The following NCOA2 variants were observed in gnomAD, a reference collection of about 807,000 sequenced individuals.
The protein encoded by NCOA2 is class E basic helix-loop-helix protein 75.
NCOA2 carries 21 observed loss-of-function variants against 145.1 expected under a neutral mutation model. The ratio of observed to expected loss-of-function variants is 0.14; its 90% confidence interval spans 0.10 to 0.21. The LOEUF (loss-of-function observed/expected upper bound fraction) is 0.21. NCOA2 is among the 10% of genes least tolerant of loss of function. The pLI is 1.00. For synonymous variants in NCOA2, 619 were observed against 637.5 expected, an observed-to-expected ratio of 0.97 and a Z score of 0.44; for missense variants, 1,472 against 1,837.6, an observed-to-expected ratio of 0.80 and a Z score of 3.64.
At chr8:70,357,494 CACT>C (rs1286875692) in intron 1 of NCOA2, 2 of 152,458 alleles carry the variant, frequency 1.3e-5, no homozygotes, top group African/African-American at 4.8e-5. Flanking sequence ...GTAATCCCAG[CACT>C]TTGGGAGGCC....
chr8:70,413,827 T>A, the NCOA2 span, among the ~76,000 whole-genome samples: 1 of 152,326 alleles, frequency 6.6e-6, no homozygotes, highest in Admixed American at 6.5e-5. Flanking sequence ...GCCCCTGGGT[T>A]GTTTGTTTTG....
At chr8:70,244,818 A>T (rs1416505658) in intron 2 of NCOA2, among the ~76,000 whole-genome samples, 1 of 152,086 alleles carries the variant, frequency 6.6e-6, no homozygotes, top group Non-Finnish European at 1.5e-5. Flanking sequence ...CACTACACAA[A>T]CACAAAAGAA....
At chr8:70,363,539 C>A (rs1810406514) in intron 1 of NCOA2, among the ~76,000 whole-genome samples, 1 of 152,050 alleles carries the variant, frequency 6.6e-6, no homozygotes, top group South Asian at 2.1e-4. Context: ...TGGAAACAAC[C>A]CAAATGTCTT....
chr8:70,286,273 A>T lies in NCOA2; in HGVS notation c.-20+10471T>A, dbSNP rs149791775. Reference sequence around the variant, plus strand: ...CAAAAAAATAAAAAATTAGCTGGGCATGTTGACTGAGGGAGGAGGATCACC... The same window carrying T: ...CAAAAAAATAAAAAATTAGCTGGGCTTGTTGACTGAGGGAGGAGGATCACC... On this transcript the variant is annotated intron_variant, in intron 2 of 22. Transcript: ENST00000452400. Among the ~76,000 whole-genome samples, 136 of 152,236 alleles carry T rather than the reference A, an allele frequency of 8.9e-4. 1 individual carries two copies. Among genetic ancestry groups the T allele is most frequent in the African/African-American group, 3.1e-3 (127 of 41,518 alleles).
At chr8:70,114,906 G>T (rs1806915847) in intron 22 of NCOA2, among the ~76,000 whole-genome samples, 1 of 152,124 alleles carries the variant, frequency 6.6e-6, no homozygotes, top group Non-Finnish European at 1.5e-5. Context: ...AATTACATTA[G>T]CCCCTGATCA....
chr8:70,239,311 A>G (rs552875962), intron 2 of NCOA2, among the ~76,000 whole-genome samples: 1 of 152,292 alleles, frequency 6.6e-6, no homozygotes, highest in South Asian at 2.1e-4. Flanking sequence ...ATAAACATAT[A>G]CAACAACTTA....
chr8:70,283,912 CATTT>C (rs1408360138), intron 2 of NCOA2, among the ~76,000 whole-genome samples: 1 of 152,168 alleles, frequency 6.6e-6, no homozygotes, highest in African/African-American at 2.4e-5. Context: ...GCTCAATCTA[CATTT>C]ATTTGTCTAA....
At chr8:70,341,693 C>T (rs762809089) in intron 1 of NCOA2, among the ~76,000 whole-genome samples, 1 of 151,826 alleles carries the variant, frequency 6.6e-6, no homozygotes, top group South Asian at 2.1e-4. Flanking sequence ...TAAAATATTA[C>T]TGTCTTGTTT....
intron 12 of NCOA2, 137 bp downstream of exon 12, chr8:70,148,136 C>A: frequency 1.3e-6 from 1 of 779,822 alleles, no homozygotes; most frequent in Non-Finnish European, 2.1e-6. Context: ...TTCAAAAGAC[C>A]AGGACAGTAG....
At chr8:70,401,102 T>TACAC (rs146658541) in intron 1 of NCOA2, among the ~76,000 whole-genome samples, 1 of 149,958 alleles carries the variant, frequency 6.7e-6, no homozygotes, top group African/African-American at 2.5e-5. Context: ...CACACACACA[T>TACAC]ACACACACAC....
At chr8:70,310,171 G>A (rs185888026) in intron 1 of NCOA2, among the ~76,000 whole-genome samples, 5 of 151,642 alleles carry the variant, frequency 3.3e-5, no homozygotes, top group East Asian at 1.9e-4. Context: ...GTGAAACTCC[G>A]TCTCTCCTAA....
At chr8:70,239,265 T>A (rs2926714) in intron 2 of NCOA2, among the ~76,000 whole-genome samples, 6 of 152,058 alleles carry the variant, frequency 3.9e-5, no homozygotes, top group African/African-American at 1.4e-4. Context: ...GGCCTTGCAA[T>A]GGCAACTGAA....
chr8:70,233,270 C>A (rs1003230903), intron 2 of NCOA2, among the ~76,000 whole-genome samples: 2 of 151,934 alleles, frequency 1.3e-5, no homozygotes, highest in African/African-American at 2.4e-5. Flanking sequence ...TTCATTATAA[C>A]CCCAGAAGGG....
chr8:70,162,317 T>TG (rs1813116535), intron 9 of NCOA2, among the ~76,000 whole-genome samples: 1 of 152,220 alleles, frequency 6.6e-6, no homozygotes, highest in Non-Finnish European at 1.5e-5. Context: ...AAGAAGGGCT[T>TG]GGGGTCCCAC....
chr8:70,270,606 T>A (rs1378881127), intron 2 of NCOA2, among the ~76,000 whole-genome samples: 1 of 147,694 alleles, frequency 6.8e-6, no homozygotes, highest in African/African-American at 2.4e-5. Context: ...GTGGCCACTA[T>A]AATCCCATTA....
chr8:70,312,420 T>A (rs972522975), intron 1 of NCOA2, among the ~76,000 whole-genome samples: 42 of 152,202 alleles, frequency 2.8e-4, no homozygotes, highest in African/African-American at 1.0e-3. Context: ...GGGGTCTGTA[T>A]GAAATTAAGA....
chr8:70,394,217 G>A (rs530955569), intron 1 of NCOA2, among the ~76,000 whole-genome samples: 7 of 152,148 alleles, frequency 4.6e-5, no homozygotes, highest in Non-Finnish European at 8.8e-5. Context: ...GTGCGATGGC[G>A]CAATCTTGGC....
intron 4 of NCOA2, among the ~76,000 whole-genome samples, chr8:70,191,608 A>AGGAGGAAGAGAGAG (rs570392633): frequency 4.7e-4 from 71 of 152,280 alleles, no homozygotes; most frequent in African/African-American, 1.6e-3. Flanking sequence ...CTCTAAGAAA[A>AGGAGGAAGAGAGAG]GGAGGAAGAG....
intron 2 of NCOA2, among the ~76,000 whole-genome samples, chr8:70,270,667 A>T (rs1277784587): frequency 6.6e-6 from 1 of 152,202 alleles, no homozygotes; most frequent in Non-Finnish European, 1.5e-5. Context: ...CCATAAAAAA[A>T]TTCTGCTTTA....
Sources: gnomAD v4.1 joint callset for allele counts (sites outside exome capture counted in the v4.1 genomes callset) on GRCh38, gnomAD v4.1.1 for gene constraint, MANE v1.5 for transcripts, NCBI Gene and HGNC (gene_info 2026-07-23, HGNC 2026-07-21) for gene names.